CADM1: variants seen among roughly 807,000 people sequenced by gnomAD.
CADM1 encodes the protein cell adhesion molecule 1.
In CADM1, 15 loss-of-function variants were observed where a neutral mutation model predicts 53.1. The observed-to-expected ratio is 0.28, with a 90% confidence interval of 0.19 to 0.44. The LOEUF is 0.44. Among genes scored for constraint, CADM1 ranks in the 20% least tolerant of loss-of-function variants. CADM1 has a pLI of 1.00. For missense variants in CADM1, 434 were observed against 611.3 expected, an observed-to-expected ratio of 0.71 and a Z score of 3.06; for synonymous variants, 281 against 243.0, an observed-to-expected ratio of 1.16 and a Z score of -1.45.
intron 7 of CADM1, among the ~76,000 whole-genome samples, chr11:115,209,880 G>C (rs1364554792): frequency 6.6e-6 from 1 of 152,150 alleles, no homozygotes; most frequent in Non-Finnish European, 1.5e-5. Flanking sequence ...TTAATGAAGT[G>C]AATTAGGGAT....
chr11:115,192,768 A>T (rs1939943817), intron 9 of CADM1, among the ~76,000 whole-genome samples: 1 of 152,218 alleles, frequency 6.6e-6, no homozygotes, highest in Non-Finnish European at 1.5e-5. Context: ...AAAGACAAAT[A>T]TGTTTATGAA....
chr11:115,434,584 C>A (rs1406269618), intron 1 of CADM1, among the ~76,000 whole-genome samples: 1 of 152,144 alleles, frequency 6.6e-6, no homozygotes, highest in Non-Finnish European at 1.5e-5. Context: ...GTTCTCACTT[C>A]ATAGAAATCT....
chr11:115,387,618 T>G (rs1482092164), intron 1 of CADM1, among the ~76,000 whole-genome samples: 1 of 152,124 alleles, frequency 6.6e-6, no homozygotes, highest in African/African-American at 2.4e-5. Context: ...TTAGATGTAT[T>G]AAAGGACTGA....
At chr11:115,208,050 T>C (rs1466271947) in intron 8 of CADM1, among the ~76,000 whole-genome samples, 1 of 152,034 alleles carries the variant, frequency 6.6e-6, no homozygotes, top group Non-Finnish European at 1.5e-5. Flanking sequence ...GTATAGAAAA[T>C]GGAAAGAATC....
intron 1 of CADM1, among the ~76,000 whole-genome samples, chr11:115,371,792 C>G (rs1946314462): frequency 7.6e-6 from 1 of 131,016 alleles, no homozygotes; most frequent in South Asian, 2.9e-4. Context: ...GCACCTGCCA[C>G]CACGCCCAGC....
chr11:115,175,665 G>C lies in CADM1; in HGVS notation c.*809C>G, dbSNP rs1403483943. ...CCCCAAACCTTTCTGGACAGCGTAG[G>C]GTATCTATACTGAGCCGTCTACAGA... On this transcript the variant is annotated 3_prime_UTR_variant, in exon 12 of 12. Transcript: ENST00000331581. 1 of 985,854 alleles carries C rather than the reference G, an allele frequency of 1.0e-6. No homozygotes were observed. Among genetic ancestry groups the C allele is most frequent in the Non-Finnish European group, 1.2e-6 (1 of 830,228 alleles). The allele number at this position is 985,854 out of a possible 1,614,324, so 61.1% of individuals were successfully genotyped here.
intron 1 of CADM1, among the ~76,000 whole-genome samples, chr11:115,356,974 C>A (rs1425907142): frequency 1.3e-5 from 2 of 152,262 alleles, no homozygotes; most frequent in Non-Finnish European, 2.9e-5. Flanking sequence ...CATTACAATG[C>A]AAACATTTTT....
intron 1 of CADM1, among the ~76,000 whole-genome samples, chr11:115,331,358 A>G (rs1945123400): frequency 6.6e-6 from 1 of 152,194 alleles, no homozygotes; most frequent in Non-Finnish European, 1.5e-5. Context: ...CCAACTAAAC[A>G]AAAGAGCCTC....
At chr11:115,346,695 G>A (rs56139774) in intron 1 of CADM1, among the ~76,000 whole-genome samples, 1,963 of 152,274 alleles carry the variant, frequency 0.013, 36 homozygotes, top group Middle Eastern at 0.041. Flanking sequence ...GTCAGAGAGA[G>A]GCCCGGATCA....
intron 1 of CADM1, among the ~76,000 whole-genome samples, chr11:115,374,449 A>C (rs1187217323): frequency 6.6e-6 from 1 of 152,198 alleles, no homozygotes; most frequent in Non-Finnish European, 1.5e-5. Context: ...CATTCTATGT[A>C]TATTGCACTT....
intron 1 of CADM1, among the ~76,000 whole-genome samples, chr11:115,280,388 A>G (rs946956600): frequency 6.6e-6 from 1 of 152,140 alleles, no homozygotes; most frequent in African/African-American, 2.4e-5. Flanking sequence ...TTCTTTCTAG[A>G]GGGGTTATAA....
chr11:115,198,496 A>G (rs1446645119), intron 8 of CADM1, 58 bp from the exon 9 acceptor site: 51 of 1,419,420 alleles, frequency 3.6e-5, no homozygotes, highest in Non-Finnish European at 4.7e-5. Context: ...CGGCATGCAA[A>G]AAAAGGGAAA....
intron 11 of CADM1, 97 bp downstream of exon 11, chr11:115,178,547 A>C: frequency 4.0e-6 from 4 of 1,005,438 alleles, no homozygotes; most frequent in Non-Finnish European, 4.5e-6. Context: ...CCGTGTGGCC[A>C]CATACATCAA....
At chr11:115,390,764 T>A (rs1017738818) in intron 1 of CADM1, among the ~76,000 whole-genome samples, 2 of 152,086 alleles carry the variant, frequency 1.3e-5, no homozygotes, top group Non-Finnish European at 2.9e-5. Context: ...TAAACAATTA[T>A]TACAGCTCAG....
chr11:115,428,651 C>T (rs1947959511), intron 1 of CADM1, among the ~76,000 whole-genome samples: 1 of 152,140 alleles, frequency 6.6e-6, no homozygotes, highest in African/African-American at 2.4e-5. Context: ...CTCCTCAATT[C>T]TTATTTTCAC....
chr11:115,407,470 A>C (rs527242712), intron 1 of CADM1, among the ~76,000 whole-genome samples: 1 of 152,266 alleles, frequency 6.6e-6, no homozygotes, highest in South Asian at 2.1e-4. Context: ...ATTTGTTTTC[A>C]TTAAGTGCTG....
At chr11:115,340,282 G>A (rs1945392994) in intron 1 of CADM1, 1 of 151,870 alleles carries the variant, frequency 6.6e-6, no homozygotes, top group Non-Finnish European at 1.5e-5. Context: ...CTGTATTTTT[G>A]CTTTTATGGC....
At chr11:115,372,741 A>G (rs1946339023) in intron 1 of CADM1, among the ~76,000 whole-genome samples, 1 of 152,214 alleles carries the variant, frequency 6.6e-6, no homozygotes, top group Admixed American at 6.5e-5. Flanking sequence ...ATATAGATCT[A>G]TAGTCTACTC....
chr11:115,205,038 G>A (rs1223466235), intron 8 of CADM1, among the ~76,000 whole-genome samples: 1 of 152,088 alleles, frequency 6.6e-6, no homozygotes, highest in Non-Finnish European at 1.5e-5. Flanking sequence ...TTTTTAATGT[G>A]TTTCACAATT....
Sources: allele counts gnomAD v4.1 joint callset (sites outside exome capture counted in the v4.1 genomes callset), GRCh38; gene constraint gnomAD v4.1.1; transcripts MANE v1.5; gene names NCBI Gene and HGNC (gene_info 2026-07-23, HGNC 2026-07-21).